CYP4V2: variants seen among roughly 807,000 people sequenced by gnomAD.
CYP4V2 encodes cytochrome P450 4V2.
Under a neutral mutation model 60.8 loss-of-function variants are expected in CYP4V2, and 55 were observed. That is an observed-to-expected ratio of 0.90 (90% CI 0.73 to 1.13). CYP4V2 has a LOEUF of 1.13. Among genes scored for constraint, CYP4V2 ranks in the 50% most tolerant of loss-of-function variants. The pLI is 0.00. For synonymous variants in CYP4V2, 239 were observed against 236.8 expected (o/e 1.01, Z -0.08); for missense variants, 675 against 662.9 (o/e 1.02, Z -0.20).
chr4:186,205,367 T>G, intron 8 of CYP4V2, 65 bp downstream of exon 8: 1 of 1,474,364 alleles, frequency 6.8e-7, no homozygotes, highest in Admixed American at 1.7e-5. Flanking sequence ...GTCACTGTGT[T>G]GTAAACACAG....
chr4:186,205,097 G>A lies in CYP4V2; in HGVS notation c.988-103G>A, dbSNP rs72646282. On this transcript the variant is annotated intron_variant, in intron 7 of 10. Transcript: ENST00000378802. ...TTCATTTCTTATGTTTGCAGTCACA[G>A]TGCAGTCATCAAATCCAGAGACAAT... 2,450 of 1,047,072 alleles carry A rather than the reference G, an allele frequency of 2.3e-3. 36 individuals carry two copies. The African/African-American group carries it at 0.034, about 15-fold the overall frequency. 64.9% of individuals were successfully genotyped at this position (1,047,072 alleles called of 1,614,324 possible).
At chr4:186,206,466 C>G (rs1239704425) in intron 8 of CYP4V2, among the ~76,000 whole-genome samples, 1 of 152,148 alleles carries the variant, frequency 6.6e-6, no homozygotes, top group African/African-American at 2.4e-5. Context: ...TGTTAAAAAT[C>G]ACGTGTCATA....
In CYP4V2 at chr4:186,201,350, A is replaced by G. The variant is rs1197030308; in HGVS notation, c.987+8A>G. ...GACACCTTCATGTTTGAGGTATTGTATATTGTTAGGTTCAGATATCATTAA... is the reference window on the plus strand; with the variant it reads ...GACACCTTCATGTTTGAGGTATTGTGTATTGTTAGGTTCAGATATCATTAA... On this transcript the variant is annotated splice_region_variant and intron_variant, in intron 7 of 10. Coordinates refer to ENST00000378802, the MANE Select transcript of CYP4V2 (RefSeq NM_207352.4). The G allele has an allele frequency of 3.1e-6, 5 of 1,613,822 alleles. No individual in the cohort carries two copies. In the Admixed American group the frequency reaches 8.3e-5, roughly 27 times the overall value.
chr4:186,209,909 T>C (rs1736652714), intron 10 of CYP4V2, among the ~76,000 whole-genome samples: 1 of 152,252 alleles, frequency 6.6e-6, no homozygotes, highest in South Asian at 2.1e-4. Context: ...GTAAAAACTT[T>C]ATTAATGATT....
intron 6 of CYP4V2, 87 bp downstream of exon 6, chr4:186,199,170 T>C: frequency 7.3e-7 from 1 of 1,377,402 alleles, no homozygotes; most frequent in Non-Finnish European, 1.0e-6. Flanking sequence ...AGTTTGGTGG[T>C]ATTAAGTGCA....
chr4:186,207,620 T>A (rs867504518), intron 8 of CYP4V2, among the ~76,000 whole-genome samples: 1 of 149,714 alleles, frequency 6.7e-6, no homozygotes, highest in African/African-American at 2.4e-5. Context: ...CCTTAAATGT[T>A]ATTTTTTTTT....
intron 1 of CYP4V2, 35 bp from the exon 2 acceptor site, chr4:186,194,465 C>T: frequency 6.4e-7 from 1 of 1,559,994 alleles, no homozygotes; most frequent in African/African-American, 1.4e-5. Flanking sequence ...ACTTTCTCAT[C>T]TTGATTGAAT....
intron 8 of CYP4V2, 139 bp downstream of exon 8, chr4:186,205,441 GTCCATTCAC>G: frequency 1.2e-6 from 1 of 868,350 alleles, no homozygotes. Flanking sequence ...GCAAGGCCTC[GTCCATTCAC>G]TCACAGGCCT....
chr4:186,203,728 C>T (rs1736395830), intron 7 of CYP4V2: 2 of 152,218 alleles, frequency 1.3e-5, no homozygotes, highest in South Asian at 4.1e-4. Context: ...GGCCGGAGCT[C>T]ATCTGGAGTT....
chr4:186,209,780 G>C (rs1736649004), intron 10 of CYP4V2, among the ~76,000 whole-genome samples: 1 of 152,096 alleles, frequency 6.6e-6, no homozygotes, highest in East Asian at 1.9e-4. Flanking sequence ...CTAAGGTATG[G>C]GGGGGGCTTA....
intron 1 of CYP4V2, 109 bp from the exon 2 acceptor site, chr4:186,194,391 C>G: frequency 1.1e-6 from 1 of 929,320 alleles, no homozygotes; most frequent in African/African-American, 1.6e-5. Context: ...CTAACAGTAA[C>G]ATATTACAGA....
rs1190578575 is a variant in CYP4V2, at chr4:186,195,382, G to A, written c.328-621G>A. On this transcript the variant is annotated intron_variant, in intron 2 of 10. Coordinates refer to ENST00000378802, the MANE Select transcript of CYP4V2 (RefSeq NM_207352.4). The surrounding 1 kb of genome is among the most constrained non-coding windows in gnomAD (Gnocchi z 4.1). ...TAGTGTTAATAGAAGTTGGTGTGGT[G>A]GATGCAGATGGAGATCTGTCCAGAG... 6.6e-6 allele frequency among the ~76,000 whole-genome samples: 1 copy of A among 152,204 alleles called. No homozygotes were observed. The highest frequency in any genetic ancestry group is 1.5e-5 in the Non-Finnish European group (1 of 68,042).
At chr4:186,199,396 A>G (rs1328033146) in intron 6 of CYP4V2, among the ~76,000 whole-genome samples, 1 of 152,246 alleles carries the variant, frequency 6.6e-6, no homozygotes, top group South Asian at 2.1e-4. Flanking sequence ...AATATTAATT[A>G]AGTACTCGCT....
chr4:186,196,171 G>T, intron 3 of CYP4V2, 83 bp downstream of exon 3: 1 of 1,230,250 alleles, frequency 8.1e-7, no homozygotes, highest in Non-Finnish European at 1.2e-6. Flanking sequence ...TTAACACAGG[G>T]TAGCTTTTTC....
rs1579978495 is a variant in CYP4V2 at position 186,210,792 on chromosome 4, C to A, written c.*151C>A. 1.1e-6 allele frequency: 1 copy of A among 901,846 alleles called. No homozygotes were observed. Among genetic ancestry groups the A allele is most frequent in the Non-Finnish European group, 1.7e-6 (1 of 599,210 alleles). The allele number at this position is 901,846 out of a possible 1,614,324, so 55.9% of individuals were successfully genotyped here. On this transcript the variant is annotated 3_prime_UTR_variant, in exon 11 of 11. Transcript: ENST00000378802. ...CCACTGATCTTGACATCAAGTCTAACAAAGAAAAAGTTTTGAGTTTTGTAT... is the reference window on the plus strand; with the variant it reads ...CCACTGATCTTGACATCAAGTCTAAAAAAGAAAAAGTTTTGAGTTTTGTAT...
intron 7 of CYP4V2, chr4:186,203,081 A>G (rs1440751406): frequency 7.8e-6 from 1 of 127,546 alleles, no homozygotes; most frequent in Non-Finnish European, 1.8e-5. Context: ...TGCACACATA[A>G]ATGCACACAG....
intron 4 of CYP4V2, 193 bp from the exon 5 acceptor site, chr4:186,197,340 C>A: frequency 2.4e-6 from 2 of 843,286 alleles, no homozygotes; most frequent in Non-Finnish European, 3.8e-6. Context: ...CCCAGGGAGG[C>A]GAAGGGAAGG....
At chr4:186,192,225 C>G (rs1243979298) in intron 1 of CYP4V2, 188 bp downstream of exon 1, 6 of 759,934 alleles carry the variant, frequency 7.9e-6, no homozygotes, top group Non-Finnish European at 1.4e-5. Flanking sequence ...TGCCCCATCC[C>G]AAAGTGAGCA....
chr4:186,197,709 C>T (rs974704366), intron 5 of CYP4V2, 107 bp downstream of exon 5: 2 of 1,199,322 alleles, frequency 1.7e-6, no homozygotes, highest in Non-Finnish European at 2.4e-6. Flanking sequence ...CAAAATTAAA[C>T]ATTAAACTAG....
Sources: allele counts gnomAD v4.1 joint callset (sites outside exome capture counted in the v4.1 genomes callset), GRCh38; gene constraint gnomAD v4.1.1; non-coding constraint Gnocchi (gnomAD v3.1); transcripts MANE v1.5; gene names NCBI Gene and HGNC (gene_info 2026-07-23, HGNC 2026-07-21).